Variants in RAPGEF4 observed in about 807,000 individuals in gnomAD.
RAPGEF4 encodes the protein RAP guanine-nucleotide-exchange factor (GEF) 4.
RAPGEF4 carries 66 observed loss-of-function variants against 147.9 expected under a neutral mutation model. That is an observed-to-expected ratio of 0.45 (90% CI 0.37 to 0.55). The LOEUF (loss-of-function observed/expected upper bound fraction) is 0.55. Among genes scored for constraint, RAPGEF4 ranks in the 20% least tolerant of loss-of-function variants. RAPGEF4 has a pLI of 0.00. For synonymous variants in RAPGEF4, 419 were observed against 442.7 expected (o/e 0.95, Z 0.67); for missense variants, 1,071 against 1,257.3 (o/e 0.85, Z 2.24).
chr2:173,019,287 G>A (rs777341642), intron 22 of RAPGEF4, among the ~76,000 whole-genome samples: 2 of 152,180 alleles, frequency 1.3e-5, no homozygotes, highest in Non-Finnish European at 2.9e-5. Flanking sequence ...TTTCCTCCAC[G>A]GGATTACAGT....
Position 172,957,726 on chromosome 2 carries a change from C to T in RAPGEF4, c.538-3034C>T, listed in dbSNP as rs117588191. On this transcript the variant is annotated intron_variant, in intron 6 of 30. Transcript: ENST00000397081. ...GCCCCTAAACCTAAAATCTTTGAGC[C>T]GGAGAAGGATCTGAGGATTCTGCCT... 2.6e-3 allele frequency among the ~76,000 whole-genome samples: 396 copies of T among 152,292 alleles called. 4 individuals are homozygous for T. The highest frequency in any genetic ancestry group is 0.014 in the Admixed American group (211 of 15,288).
chr2:172,936,774 A>G (rs1194995181), intron 6 of RAPGEF4, among the ~76,000 whole-genome samples: 1 of 152,100 alleles, frequency 6.6e-6, no homozygotes. Context: ...CTTTTTAAAG[A>G]AATTCTTTTA....
At chr2:172,960,656 T>C (rs1689190471) in intron 6 of RAPGEF4, 104 bp from the exon 7 acceptor site, 1 of 795,604 alleles carries the variant, frequency 1.3e-6, no homozygotes, top group African/African-American at 1.8e-5. Context: ...AATTATATTT[T>C]GAGTTTTATA....
intron 3 of RAPGEF4, among the ~76,000 whole-genome samples, chr2:172,808,105 C>CAT (rs1687677112): frequency 6.6e-6 from 1 of 152,202 alleles, no homozygotes; most frequent in Non-Finnish European, 1.5e-5. Flanking sequence ...ATTTGCAAGG[C>CAT]ACAAGTGCCT....
chr2:172,771,696 C>T (rs750844445), intron 1 of RAPGEF4, among the ~76,000 whole-genome samples: 4 of 152,102 alleles, frequency 2.6e-5, no homozygotes, highest in Non-Finnish European at 4.4e-5. Flanking sequence ...CCTCCCACCT[C>T]GGCTTCCTGA....
intron 8 of RAPGEF4, among the ~76,000 whole-genome samples, chr2:172,963,391 C>T (rs1689499313): frequency 6.6e-6 from 1 of 152,176 alleles, no homozygotes; most frequent in Non-Finnish European, 1.5e-5. Flanking sequence ...TCTCAAAGAT[C>T]TCATATGGTT....
intron 23 of RAPGEF4, among the ~76,000 whole-genome samples, chr2:173,022,015 A>G (rs1696146868): frequency 6.6e-6 from 1 of 152,172 alleles, no homozygotes; most frequent in South Asian, 2.1e-4. Flanking sequence ...TTGCTTTCTA[A>G]ATAAATATTT....
intron 4 of RAPGEF4, among the ~76,000 whole-genome samples, chr2:172,844,236 G>C (rs1172484581): frequency 6.6e-6 from 1 of 152,084 alleles, no homozygotes; most frequent in Non-Finnish European, 1.5e-5. Context: ...GCCTCACCCT[G>C]TCCTCTCTTG....
Position 172,996,510 on chromosome 2 carries a change from T to G in RAPGEF4, c.1535T>G (p.Phe512Cys). ...ACACCTGAAAAAATTTTAGAGCATT[T>G]TCTAGAAACAATACGCCTTGAGGCA... is the stretch of plus-strand genomic sequence containing the variant. Reference protein sequence around the residue: ...SGTPEKILEHFLETIRLEATL... With the variant: ...SGTPEKILEHCLETIRLEATL... The change falls in exon 16 of 31, where the codon TTT becomes TGT. Residue 512 changes from phenylalanine to cysteine, a missense_variant. Phe to Cys is a radical substitution (Grantham distance 205, BLOSUM62 -2). Transcript: ENST00000397081. The G allele has an allele frequency of 6.3e-7, 1 of 1,583,206 alleles. No individual in the cohort carries two copies. Among genetic ancestry groups the G allele is most frequent in the Non-Finnish European group, 8.5e-7 (1 of 1,169,796 alleles).
intron 1 of RAPGEF4, among the ~76,000 whole-genome samples, chr2:172,790,235 A>C (rs546100338): frequency 2.6e-4 from 39 of 152,158 alleles, no homozygotes; most frequent in African/African-American, 9.4e-4. Context: ...TCCGTTGGCC[A>C]TTTGTATGTC....
chr2:172,881,221 G>A (rs1696584560), intron 4 of RAPGEF4, among the ~76,000 whole-genome samples: 1 of 152,078 alleles, frequency 6.6e-6, no homozygotes, highest in Admixed American at 6.6e-5. Flanking sequence ...AAGCTCCATG[G>A]CCAGCTTTTA....
intron 10 of RAPGEF4, among the ~76,000 whole-genome samples, chr2:172,982,984 A>T (rs1177139531): frequency 6.6e-6 from 1 of 152,146 alleles, no homozygotes; most frequent in Non-Finnish European, 1.5e-5. Context: ...CATACATCCT[A>T]TATTTGAGTC....
chr2:173,048,755 T>G, intron 30 of RAPGEF4, 101 bp downstream of exon 30: 1 of 1,569,246 alleles, frequency 6.4e-7, no homozygotes, highest in South Asian at 1.2e-5. Context: ...AATATCTGAC[T>G]GTGTCAGAGA....
At chr2:172,978,455 C>T (rs926547992) in intron 10 of RAPGEF4, among the ~76,000 whole-genome samples, 11 of 152,214 alleles carry the variant, frequency 7.2e-5, no homozygotes, top group African/African-American at 1.9e-4. Flanking sequence ...TTCTGCTTCT[C>T]CCAGGCTCCA....
At chr2:172,906,509 G>A (rs1169007018) in intron 4 of RAPGEF4, among the ~76,000 whole-genome samples, 3 of 152,190 alleles carry the variant, frequency 2.0e-5, no homozygotes, top group Admixed American at 6.5e-5. Flanking sequence ...ATATCCCCAG[G>A]GAGCTTCTGA....
chr2:172,806,985 A>G (rs750809249), intron 3 of RAPGEF4, among the ~76,000 whole-genome samples: 15 of 152,116 alleles, frequency 9.9e-5, no homozygotes, highest in Non-Finnish European at 1.9e-4. Flanking sequence ...TGATTCTTCT[A>G]TTCACTCATT....
At position 172,988,224 on chromosome 2, in the gene RAPGEF4, C is replaced by A. The variant is rs745327172; in HGVS notation, c.1179C>A (p.Ser393=). 7.4e-6 allele frequency: 12 copies of A among 1,611,186 alleles called. No homozygotes were observed. The highest frequency in any genetic ancestry group is 1.1e-5 in the South Asian group (1 of 90,324). The change falls in exon 13 of 31, where the codon TCC becomes TCA. Residue 393 remains serine, a synonymous_variant. Transcript: ENST00000397081. ...TTAACCAGGGGGAAGAAGGTACCTCCTGGTACATTATTCTAAAAGGATCAG... is the reference window on the plus strand; with the variant it reads ...TTAACCAGGGGGAAGAAGGTACCTCATGGTACATTATTCTAAAAGGATCAG... ...VLFNQGEEGT[S]WYIILKGSVN... is the part of the protein sequence containing the mutation.
intron 1 of RAPGEF4, among the ~76,000 whole-genome samples, chr2:172,744,904 A>G (rs1028387407): frequency 2.6e-5 from 4 of 152,114 alleles, no homozygotes; most frequent in African/African-American, 4.8e-5. Context: ...GTGAATTTAC[A>G]TTGTCTGAAT....
chr2:172,987,856 C>G (rs1692435343), intron 12 of RAPGEF4, among the ~76,000 whole-genome samples: 2 of 152,188 alleles, frequency 1.3e-5, no homozygotes, highest in Non-Finnish European at 2.9e-5. Flanking sequence ...CGTCACATTA[C>G]TTGTCAGATT....
Sources: gnomAD v4.1 joint callset for allele counts (sites outside exome capture counted in the v4.1 genomes callset) on GRCh38, gnomAD v4.1.1 for gene constraint, MANE v1.5 for transcripts, NCBI Gene and HGNC (gene_info 2026-07-23, HGNC 2026-07-21) for gene names.